Variants in PPP1R17 observed in about 807,000 individuals in gnomAD.
PPP1R17 encodes the protein protein phosphatase 1 regulatory subunit 17, also known as G-substrate.
Under a neutral mutation model 15.9 loss-of-function variants are expected in PPP1R17, and 12 were observed. The observed-to-expected ratio is 0.75, with a 90% CI of 0.48 to 1.22. The LOEUF is 1.22. PPP1R17 is among the 50% of genes most tolerant of loss of function. The pLI, the probability that PPP1R17 is intolerant of heterozygous loss-of-function variation, is 0.00. For synonymous variants in PPP1R17, 63 were observed against 64.5 expected (o/e 0.98, Z 0.11); for missense variants, 211 against 187.3 (o/e 1.13, Z -0.74).
intron 4 of PPP1R17, among the ~76,000 whole-genome samples, chr7:31,700,385 T>C (rs1345991594): frequency 1.3e-5 from 2 of 152,148 alleles, no homozygotes; most frequent in African/African-American, 4.8e-5. Context: ...TTCAGTTATA[T>C]GAAGGTTGAG....
In PPP1R17 at chr7:31,694,522, G is replaced by C. The variant is rs932837162; in HGVS notation, c.83-947G>C. Among the ~76,000 whole-genome samples, 3 of 152,060 alleles carry C rather than the reference G, an allele frequency of 2.0e-5. No homozygotes were observed. In the East Asian group the frequency reaches 5.8e-4, roughly 29 times the overall value. On this transcript the variant is annotated intron_variant, in intron 2 of 4. Transcript: ENST00000342032. ...TAGAAAATGATAAGAGTCCATGTTT[G>C]AACTCAGATCAGCTTGACTCCATTT...
At chr7:31,689,888 A>G (rs1792267171) in intron 1 of PPP1R17, among the ~76,000 whole-genome samples, 1 of 152,334 alleles carries the variant, frequency 6.6e-6, no homozygotes, top group African/African-American at 2.4e-5. Context: ...ATTGTCTCTC[A>G]GCCCCTTAGC....
At chr7:31,706,945 AAAG>A (rs1168945219) in intron 4 of PPP1R17, among the ~76,000 whole-genome samples, 1 of 152,226 alleles carries the variant, frequency 6.6e-6, no homozygotes, top group Non-Finnish European at 1.5e-5. Flanking sequence ...AGCAGAACTT[AAAG>A]AAGAGGATGA....
Position 31,695,462 on chromosome 7 carries a change from A to G in PPP1R17, c.83-7A>G. The G allele has an allele frequency of 1.3e-6, 2 of 1,592,974 alleles. No homozygotes were observed. Among genetic ancestry groups the G allele is most frequent in the Non-Finnish European group, 1.7e-6 (2 of 1,173,672 alleles). Reference sequence around the variant, plus strand: ...TTCTTTATTTCTTTGTATCCTGTCAAAATTAGATGATCTTTCAGACCAGTT... The same window carrying G: ...TTCTTTATTTCTTTGTATCCTGTCAGAATTAGATGATCTTTCAGACCAGTT... On this transcript the variant is annotated splice_polypyrimidine_tract_variant and splice_region_variant and intron_variant, in intron 2 of 4. Transcript: ENST00000342032.
chr7:31,688,558 C>A (rs977086741), intron 1 of PPP1R17, among the ~76,000 whole-genome samples: 19 of 152,210 alleles, frequency 1.2e-4, no homozygotes, highest in African/African-American at 4.3e-4. Flanking sequence ...GTTCCTTCCC[C>A]CTTTCAGTTC....
chr7:31,705,668 G>C (rs1181722928), intron 4 of PPP1R17, among the ~76,000 whole-genome samples: 1 of 152,178 alleles, frequency 6.6e-6, no homozygotes, highest in African/African-American at 2.4e-5. Context: ...GTCCAGTGTG[G>C]TAGAAAGGCC....
intron 2 of PPP1R17, among the ~76,000 whole-genome samples, chr7:31,694,380 T>TCAAACACACACACACACACACACA (rs1250440023): frequency 9.2e-6 from 1 of 109,182 alleles, no homozygotes; most frequent in African/African-American, 3.9e-5. Context: ...TCTCTCTCTC[T>TCAAACACACACACACACACACACA]CTCTCAAACA....
At chr7:31,693,819 G>A (rs1186495479) in intron 2 of PPP1R17, among the ~76,000 whole-genome samples, 1 of 152,154 alleles carries the variant, frequency 6.6e-6, no homozygotes, top group Non-Finnish European at 1.5e-5. Flanking sequence ...AAATAAGAAA[G>A]AGAGAAGGAA....
intron 3 of PPP1R17, among the ~76,000 whole-genome samples, chr7:31,696,474 T>G (rs1007620810): frequency 2.6e-5 from 4 of 152,212 alleles, no homozygotes; most frequent in Non-Finnish European, 4.4e-5. Context: ...TTTAGAGAGT[T>G]ACTCAATAAT....
intron 4 of PPP1R17, among the ~76,000 whole-genome samples, chr7:31,697,448 C>T (rs964924640): frequency 6.6e-6 from 1 of 152,126 alleles, no homozygotes; most frequent in African/African-American, 2.4e-5. Flanking sequence ...ACGGATTTTG[C>T]GTCTTATGGC....
intron 1 of PPP1R17, among the ~76,000 whole-genome samples, chr7:31,690,213 G>C (rs373324189): frequency 6.6e-6 from 1 of 152,136 alleles, no homozygotes; most frequent in Non-Finnish European, 1.5e-5. Context: ...ATTATACAAC[G>C]GGTCTTCCTT....
chr7:31,699,565 G>T (rs1032084290), intron 4 of PPP1R17, among the ~76,000 whole-genome samples: 7 of 152,020 alleles, frequency 4.6e-5, no homozygotes, highest in African/African-American at 7.2e-5. Flanking sequence ...CATACTAGAG[G>T]TTTGCAGTGT....
chr7:31,701,305 A>T (rs1792839352), intron 4 of PPP1R17, among the ~76,000 whole-genome samples: 1 of 152,170 alleles, frequency 6.6e-6, no homozygotes, highest in South Asian at 2.1e-4. Context: ...TCAGTGGAGG[A>T]CGTAACTGCA....
intron 4 of PPP1R17, among the ~76,000 whole-genome samples, chr7:31,700,665 C>T (rs1164858582): frequency 2.0e-5 from 3 of 152,150 alleles, no homozygotes; most frequent in Non-Finnish European, 4.4e-5. Context: ...GATGTCAATG[C>T]CTGGCTTCAA....
At position 31,696,966 on chromosome 7, in the gene PPP1R17, T is replaced by C. The variant is rs1397378559; in HGVS notation, c.237T>C (p.Gly79=). 1 of 1,614,008 alleles carries C rather than the reference T, an allele frequency of 6.2e-7. No homozygotes were observed. The highest frequency in any genetic ancestry group is 1.1e-5 in the South Asian group (1 of 91,058). Residue 79 remains glycine (G), a splice_region_variant and synonymous_variant, in exon 4 of 5, where the codon GGT becomes GGC. Coordinates refer to ENST00000342032, the MANE Select transcript of PPP1R17 (RefSeq NM_006658.5). ...PALHIPPFIP[G]VFSEHLIKRY... is the part of the protein sequence containing the mutation. ...CTCTGTGTTCCCCTAACCATGCAGGTGTGTTTTCAGAACATTTAATTAAAA... is the reference window on the plus strand; with the variant it reads ...CTCTGTGTTCCCCTAACCATGCAGGCGTGTTTTCAGAACATTTAATTAAAA...
Position 31,697,019 on chromosome 7 carries a change from A to G in PPP1R17, c.290A>G (p.Lys97Arg). The part of the protein sequence containing the change: ...KRYDVQERHP[K>R]GKMIPVLHNT... The stretch of plus-strand genomic sequence containing the variant: ...TACGATGTTCAAGAGAGACATCCAA[A>G]GGGCAAAATGATCCCTGTTCTTCAT... Residue 97 changes from lysine (K) to arginine (R), a missense_variant, in exon 4 of 5, where the codon AAG becomes AGG. Lys to Arg is a conservative substitution (Grantham distance 26). Coordinates refer to ENST00000342032, the MANE Select transcript of PPP1R17 (RefSeq NM_006658.5). 1 of 1,614,214 alleles carries G rather than the reference A, an allele frequency of 6.2e-7. No homozygotes were observed. Among genetic ancestry groups the G allele is most frequent in the Non-Finnish European group, 8.5e-7 (1 of 1,180,014 alleles).
intron 3 of PPP1R17, 97 bp downstream of exon 3, chr7:31,695,718 T>A (rs1792550601): frequency 1.5e-6 from 2 of 1,330,080 alleles, no homozygotes; most frequent in South Asian, 3.0e-5. Context: ...TCAGGTATTT[T>A]AAAGTAATTT....
intron 2 of PPP1R17, among the ~76,000 whole-genome samples, chr7:31,694,387 A>AACACACACACACACAC (rs533091870): frequency 0.048 from 6,801 of 141,540 alleles, 249 homozygotes; most frequent in African/African-American, 0.084. Flanking sequence ...CTCTCTCTCA[A>AACACACACACACACAC]ACACACACAC....
In PPP1R17 at chr7:31,696,953, C is replaced by T; in HGVS notation, c.236-12C>T. Reference sequence around the variant, plus strand: ...TGATCCTGTTTCTCTCTGTGTTCCCCTAACCATGCAGGTGTGTTTTCAGAA... The same window carrying T: ...TGATCCTGTTTCTCTCTGTGTTCCCTTAACCATGCAGGTGTGTTTTCAGAA... On this transcript the variant is annotated splice_polypyrimidine_tract_variant and intron_variant, in intron 3 of 4. Transcript: ENST00000342032. The T allele has an allele frequency of 6.2e-7, 1 of 1,613,320 alleles. No individual in the cohort carries two copies. Among genetic ancestry groups the T allele is most frequent in the South Asian group, 1.1e-5 (1 of 90,912 alleles).
Sources: allele counts gnomAD v4.1 joint callset (sites outside exome capture counted in the v4.1 genomes callset), GRCh38; gene constraint gnomAD v4.1.1; transcripts MANE v1.5; gene names NCBI Gene and HGNC (gene_info 2026-07-23, HGNC 2026-07-21).